RSRC1: variants seen among roughly 807,000 people sequenced by gnomAD.
The protein encoded by RSRC1 is serine/Arginine-related protein 53.
In RSRC1, 39 loss-of-function variants were observed where a neutral mutation model predicts 49.1. The observed-to-expected ratio is 0.79, with a 90% confidence interval of 0.61 to 1.04. The LOEUF (loss-of-function observed/expected upper bound fraction) is 1.04. Among genes scored for constraint, RSRC1 ranks in the 50% least tolerant of loss-of-function variants. The probability of loss-of-function intolerance (pLI) is 0.00; values close to 1 mark genes in which losing one functional copy is unlikely to be tolerated. For missense variants in RSRC1, 388 were observed against 402.4 expected, an observed-to-expected ratio of 0.96 and a Z score of 0.31; for synonymous variants, 143 against 130.8, an observed-to-expected ratio of 1.09 and a Z score of -0.63.
At chr3:158,466,976 T>C (rs1381747546) in intron 7 of RSRC1, among the ~76,000 whole-genome samples, 1 of 152,142 alleles carries the variant, frequency 6.6e-6, no homozygotes, top group Non-Finnish European at 1.5e-5. Flanking sequence ...GGAGGATCAC[T>C]TGAGCCCAGA....
At chr3:158,531,906 A>G (rs1338665814) in intron 7 of RSRC1, among the ~76,000 whole-genome samples, 3 of 151,900 alleles carry the variant, frequency 2.0e-5, no homozygotes, top group Non-Finnish European at 1.5e-5. Context: ...ATTTTATTGA[A>G]TAGCCAGCTT....
At chr3:158,530,894 TA>T (rs371856421) in intron 7 of RSRC1, among the ~76,000 whole-genome samples, 35,740 of 77,174 alleles carry the variant, frequency 0.46, 5,211 homozygotes, top group South Asian at 0.52. Flanking sequence ...TAGAGTATAA[TA>T]AAAAAAAAAA....
intron 4 of RSRC1, among the ~76,000 whole-genome samples, chr3:158,277,861 T>G (rs1725905059): frequency 6.6e-6 from 1 of 152,204 alleles, no homozygotes; most frequent in Admixed American, 6.5e-5. Flanking sequence ...CATGGCTCAC[T>G]GCAGCCTTTG....
At chr3:158,146,778 A>T (rs1311422758) in intron 3 of RSRC1, among the ~76,000 whole-genome samples, 3 of 152,110 alleles carry the variant, frequency 2.0e-5, no homozygotes, top group African/African-American at 4.8e-5. Flanking sequence ...TTTGGTTGGT[A>T]AGCTATTAAT....
chr3:158,366,121 C>A (rs1270120599), intron 6 of RSRC1, among the ~76,000 whole-genome samples: 3 of 152,114 alleles, frequency 2.0e-5, no homozygotes, highest in African/African-American at 7.2e-5. Context: ...ATGATAGTTT[C>A]TTTTGCTGTG....
intron 3 of RSRC1, among the ~76,000 whole-genome samples, chr3:158,166,445 CAG>C (rs1336158642): frequency 5.9e-5 from 9 of 152,036 alleles, no homozygotes; most frequent in East Asian, 5.8e-4. Context: ...TTTAAGAAAA[CAG>C]AGGTGAAGCA....
At chr3:158,246,011 C>A (rs73166347) in intron 4 of RSRC1, among the ~76,000 whole-genome samples, 20,905 of 151,988 alleles carry the variant, frequency 0.14, 1,574 homozygotes, top group Middle Eastern at 0.21. Flanking sequence ...GTGTGTCTTT[C>A]ATTGGGGCAT....
intron 4 of RSRC1, among the ~76,000 whole-genome samples, chr3:158,268,388 A>G (rs1032187470): frequency 4.6e-5 from 7 of 152,102 alleles, no homozygotes; most frequent in Non-Finnish European, 1.0e-4. Context: ...GACTTAATTT[A>G]TATTCAGATT....
At chr3:158,433,362 T>C (rs1735880203) in intron 6 of RSRC1, among the ~76,000 whole-genome samples, 2 of 151,990 alleles carry the variant, frequency 1.3e-5, no homozygotes, top group African/African-American at 4.8e-5. Context: ...TTTTTATTTT[T>C]CCAAAGGTCT....
chr3:158,288,898 G>T (rs1726749805), intron 4 of RSRC1, among the ~76,000 whole-genome samples: 1 of 127,876 alleles, frequency 7.8e-6, no homozygotes. Flanking sequence ...TGGATTCACA[G>T]ATGGGGAGGA....
At chr3:158,329,938 C>T (rs981563506) in intron 5 of RSRC1, among the ~76,000 whole-genome samples, 5 of 152,236 alleles carry the variant, frequency 3.3e-5, no homozygotes, top group Admixed American at 3.3e-4. Flanking sequence ...CAGCGGTGGG[C>T]ACCCCTCCAC....
rs751381414 is a variant in RSRC1 at position 158,461,012 on chromosome 3, A to C, written c.652+9A>C. The C allele has an allele frequency of 4.4e-6, 7 of 1,589,004 alleles. No individual in the cohort carries two copies. The highest frequency in any genetic ancestry group is 6.0e-6 in the Non-Finnish European group (7 of 1,163,074). On this transcript the variant is annotated intron_variant, in intron 7 of 9. Transcript: ENST00000611884. ...GAGAAGAAAGGAGGAAGGTAAAGGC[A>C]TGTGTTCATTTTTCTCTGAGAAATC...
At chr3:158,468,713 T>C (rs1241255009) in intron 7 of RSRC1, among the ~76,000 whole-genome samples, 2 of 152,202 alleles carry the variant, frequency 1.3e-5, no homozygotes, top group African/African-American at 4.8e-5. Flanking sequence ...TTCAACTCTC[T>C]ATAAAATTGT....
intron 7 of RSRC1, among the ~76,000 whole-genome samples, chr3:158,533,340 G>T (rs1244177123): frequency 6.6e-6 from 1 of 151,708 alleles, no homozygotes; most frequent in Non-Finnish European, 1.5e-5. Context: ...TATCTGCTCT[G>T]TCACTTTGTT....
chr3:158,267,860 ATTTTT>A (rs368565806), intron 4 of RSRC1, among the ~76,000 whole-genome samples: 10 of 125,044 alleles, frequency 8.0e-5, no homozygotes, highest in Non-Finnish European at 1.3e-4. Context: ...TTCCATATCT[ATTTTT>A]TTTTTTTTTT....
intron 7 of RSRC1, among the ~76,000 whole-genome samples, chr3:158,470,341 C>A (rs944683677): frequency 8.5e-6 from 1 of 117,296 alleles, no homozygotes. Flanking sequence ...CACACACACA[C>A]ACACACACAC....
intron 3 of RSRC1, among the ~76,000 whole-genome samples, chr3:158,181,422 C>T (rs921269204): frequency 6.6e-6 from 1 of 152,048 alleles, no homozygotes; most frequent in Non-Finnish European, 1.5e-5. Flanking sequence ...GGCATTTATC[C>T]CAGAGTTAAG....
intron 4 of RSRC1, among the ~76,000 whole-genome samples, chr3:158,262,621 G>A (rs901119398): frequency 6.6e-6 from 1 of 151,962 alleles, no homozygotes; most frequent in Non-Finnish European, 1.5e-5. Flanking sequence ...TTTTTATTAG[G>A]ATTGAATTGA....
intron 4 of RSRC1, among the ~76,000 whole-genome samples, chr3:158,265,242 AT>A (rs932689219): frequency 2.0e-5 from 3 of 152,052 alleles, no homozygotes; most frequent in African/African-American, 4.8e-5. Flanking sequence ...ACATTTTGGA[AT>A]TTTTTTCTTG....
Sources: gnomAD v4.1 joint callset for allele counts (sites outside exome capture counted in the v4.1 genomes callset) on GRCh38, gnomAD v4.1.1 for gene constraint, MANE v1.5 for transcripts, NCBI Gene and HGNC (gene_info 2026-07-23, HGNC 2026-07-21) for gene names.